Variants in CHD1L observed in about 807,000 individuals in gnomAD.
The protein encoded by CHD1L is chromodomain helicase DNA binding protein 1 like.
In CHD1L, 118 loss-of-function variants were observed where a neutral mutation model predicts 115.9. That is an observed-to-expected ratio of 1.02 (90% CI 0.88 to 1.19). The LOEUF is 1.19. CHD1L is among the 50% of genes most tolerant of loss of function. CHD1L has a pLI of 0.00. For synonymous variants in CHD1L, 411 were observed against 387.1 expected, an observed-to-expected ratio of 1.06 and a Z score of -0.72; for missense variants, 1,179 against 1,065.3, an observed-to-expected ratio of 1.11 and a Z score of -1.49.
rs149664186 is a variant in CHD1L at position 147,293,626 on chromosome 1, C to T, written c.2410C>T (p.Gln804Ter). The T allele has an allele frequency of 2.0e-4, 322 of 1,614,006 alleles. 1 individual carries two copies. In the African/African-American group the frequency reaches 3.6e-3, roughly 18 times the overall value. The change falls in exon 21 of 23, where the codon CAG becomes TAG. Residue 804 changes from glutamine to a stop codon, truncating the protein, a stop_gained. Coordinates refer to ENST00000369258, the MANE Select transcript of CHD1L (RefSeq NM_004284.6). LOFTEE classifies it high-confidence loss of function. ...TTTCCAGTTGGCCTTGATTGTGGCT[C>T]AGCATCGTGATCGTTCCAATGTCCT... is the stretch of plus-strand genomic sequence containing the variant. ...GQDLLALIVA[Q>*]HRDRSNVLSG...
At chr1:147,243,561 C>T (rs1271473911) in intron 1 of CHD1L, among the ~76,000 whole-genome samples, 1 of 152,158 alleles carries the variant, frequency 6.6e-6, no homozygotes, top group Non-Finnish European at 1.5e-5. Context: ...ACCGTACTTC[C>T]TGCAGCTCCG....
chr1:147,239,358 T>G (rs1382149511), upstream of CHD1L, among the ~76,000 whole-genome samples: 3 of 152,198 alleles, frequency 2.0e-5, no homozygotes, highest in Non-Finnish European at 4.4e-5. Flanking sequence ...CAACACTATG[T>G]GCCCAGCACT....
At chr1:147,186,870 A>G in the CHD1L span, 30 of 1,583,220 alleles carry the variant, frequency 1.9e-5, no homozygotes, top group African/African-American at 1.1e-4. Context: ...AAGCTTCCCA[A>G]TGAAAAACAG....
intron 15 of CHD1L, among the ~76,000 whole-genome samples, chr1:147,280,711 C>G (rs1454569519): frequency 6.6e-6 from 1 of 152,080 alleles, no homozygotes; most frequent in African/African-American, 2.4e-5. Context: ...ATTTTCTTTC[C>G]TGAATTTGGT....
the CHD1L span, among the ~76,000 whole-genome samples, chr1:147,191,865 T>A: frequency 1.3e-5 from 2 of 152,242 alleles, no homozygotes; most frequent in Non-Finnish European, 2.9e-5. Flanking sequence ...GTTCCATTGA[T>A]CTATATCTCC....
chr1:147,292,993 AAGG>A (rs150304546), intron 20 of CHD1L, among the ~76,000 whole-genome samples: 26,929 of 152,118 alleles, frequency 0.18, 3,029 homozygotes, highest in Middle Eastern at 0.26. Flanking sequence ...AATGCTAAAA[AAGG>A]AGAAAAGTAA....
the CHD1L span, among the ~76,000 whole-genome samples, chr1:147,235,804 T>G: frequency 7.1e-4 from 108 of 152,302 alleles, no homozygotes; most frequent in African/African-American, 2.5e-3. Context: ...CTATGGTATA[T>G]TATTGAGACA....
rs781953883 is a variant in CHD1L, at chr1:147,286,281, T to C, written c.2019-17T>C. ...GATTGTCTGGGTTAATTTCCTTTTG[T>C]CTCTGGCCTGCTAAAGGATGGCCTG... On this transcript the variant is annotated splice_polypyrimidine_tract_variant and intron_variant, in intron 17 of 22. Transcript: ENST00000369258. The C allele has an allele frequency of 4.3e-6, 7 of 1,612,182 alleles. No homozygotes were observed. Among genetic ancestry groups the C allele is most frequent in the African/African-American group, 1.3e-5 (1 of 74,908 alleles).
At chr1:147,221,486 A>G in the CHD1L span, among the ~76,000 whole-genome samples, 1 of 152,238 alleles carries the variant, frequency 6.6e-6, no homozygotes, top group African/African-American at 2.4e-5. Flanking sequence ...TAATTAAGGT[A>G]AATTAATGAA....
intron 5 of CHD1L, among the ~76,000 whole-genome samples, chr1:147,257,413 ATTATC>A (rs1553941119): frequency 6.6e-6 from 1 of 152,118 alleles, no homozygotes; most frequent in Admixed American, 6.6e-5. Context: ...AAGTGAGCAT[ATTATC>A]TTATTTTTCT....
At chr1:147,295,362 G>C (rs587683592) in intron 22 of CHD1L, 69 bp from the exon 23 acceptor site, 1 of 982,984 alleles carries the variant, frequency 1.0e-6, no homozygotes, top group African/African-American at 1.6e-5. Flanking sequence ...ATAATTACTA[G>C]AGAACTAGTC....
At chr1:147,175,368 G>A in the CHD1L span, 7 of 152,120 alleles carry the variant, frequency 4.6e-5, no homozygotes, top group African/African-American at 1.4e-4. Flanking sequence ...GATATGGTTT[G>A]GTTCTGTGTC....
At chr1:147,291,682 A>G in intron 20 of CHD1L, 130 bp downstream of exon 20, 1 of 699,354 alleles carries the variant, frequency 1.4e-6, no homozygotes, top group Non-Finnish European at 2.6e-6. Flanking sequence ...AAAAAGACAC[A>G]GACTAGGTAG....
upstream of CHD1L, chr1:147,242,501 C>T (rs924561404): frequency 1.9e-4 from 87 of 452,958 alleles, no homozygotes; most frequent in Non-Finnish European, 2.6e-4. Context: ...ACTGGGCAGC[C>T]CTTCCACGCT....
chr1:147,291,700 A>G (rs1685600653), intron 20 of CHD1L, 148 bp downstream of exon 20: 1 of 654,958 alleles, frequency 1.5e-6, no homozygotes, highest in Admixed American at 2.6e-5. Flanking sequence ...TAGCTTAAAC[A>G]ACAGAAATGT....
the CHD1L span, chr1:147,178,838 G>A: frequency 6.3e-7 from 1 of 1,593,418 alleles, no homozygotes; most frequent in Non-Finnish European, 8.6e-7. Flanking sequence ...AACATTTTTG[G>A]TATCTGCCCT....
Position 147,267,477 on chromosome 1 carries a change from C to T in CHD1L, c.947C>T (p.Ser316Phe). Residue 316 changes from serine to phenylalanine, a missense_variant, in exon 9 of 23, where the codon TCC (serine) becomes TTC (phenylalanine). By Grantham distance (155) the Ser-to-Phe change is radical. Transcript: ENST00000369258. Reference sequence around the variant, plus strand: ...AAAGTTAAACTACAGAACATTTTGTCCCAGCTTCGAAAGTGTGTGGATCAC... The same window carrying T: ...AAAGTTAAACTACAGAACATTTTGTTCCAGCTTCGAAAGTGTGTGGATCAC... ...AKKVKLQNIL[S>F]QLRKCVDHPY... 1 of 1,612,506 alleles carries T rather than the reference C, an allele frequency of 6.2e-7. No individual in the cohort carries two copies. The highest frequency in any genetic ancestry group is 8.5e-7 in the Non-Finnish European group (1 of 1,179,204).
In CHD1L at chr1:147,252,799, G is replaced by T. The variant is rs587600740; in HGVS notation, c.240+64G>T. On this transcript the variant is annotated intron_variant, in intron 2 of 22. Transcript: ENST00000369258. ...CGATACTTCCTTATAACTCATTCTG[G>T]AGCTGAGAGCTCTGGAGCTAAAACA... is the stretch of plus-strand genomic sequence containing the variant. 3.1e-6 allele frequency: 4 copies of T among 1,302,382 alleles called. No individual in the cohort carries two copies. The African/African-American group carries it at 5.8e-5, about 19-fold the overall frequency. The allele number at this position is 1,302,382 out of a possible 1,614,324, so 80.7% of individuals were successfully genotyped here. A position where few individuals can be genotyped will look rare whatever the true frequency, so the allele number is the denominator to read the frequency against.
the CHD1L span, among the ~76,000 whole-genome samples, chr1:147,229,719 C>G: frequency 1.7e-4 from 26 of 152,208 alleles, no homozygotes; most frequent in East Asian, 4.1e-3. Flanking sequence ...TGAGGAGGTA[C>G]TTCACATCCC....
Sources: gnomAD v4.1 joint callset for allele counts (sites outside exome capture counted in the v4.1 genomes callset) on GRCh38, gnomAD v4.1.1 for gene constraint, MANE v1.5 for transcripts, NCBI Gene and HGNC (gene_info 2026-07-23, HGNC 2026-07-21) for gene names.